Variants in SLC15A2 observed in about 807,000 individuals in gnomAD.
SLC15A2 encodes kidney H(+)/peptide cotransporter.
In SLC15A2, 77 loss-of-function variants were observed where a neutral mutation model predicts 95.5. That is an observed-to-expected ratio of 0.81 (90% confidence interval 0.67 to 0.97). SLC15A2 has a LOEUF of 0.97. Among genes scored for constraint, SLC15A2 ranks in the 50% least tolerant of loss-of-function variants. SLC15A2 has a pLI of 0.00. For synonymous variants in SLC15A2, 306 were observed against 306.9 expected (o/e 1.00, Z 0.03); for missense variants, 893 against 874.4 (o/e 1.02, Z -0.27).
chr3:121,939,954 C>T (rs947143641), intron 20 of SLC15A2, among the ~76,000 whole-genome samples: 2 of 151,984 alleles, frequency 1.3e-5, no homozygotes, highest in African/African-American at 4.8e-5. Context: ...TATAGGCGCA[C>T]ACCACCATTC....
intron 3 of SLC15A2, among the ~76,000 whole-genome samples, chr3:121,899,664 T>C (rs2107567955): frequency 6.6e-6 from 1 of 152,308 alleles, no homozygotes; most frequent in East Asian, 1.9e-4. Flanking sequence ...CCCAATTTAA[T>C]TCAATAAATG....
chr3:121,909,992 T>TC (rs36045594), intron 3 of SLC15A2, among the ~76,000 whole-genome samples: 67,699 of 151,706 alleles, frequency 0.45, 15,611 homozygotes, highest in East Asian at 0.69. Flanking sequence ...CTCCTTTTTT[T>TC]TTCCTCTATG....
chr3:121,905,482 A>G (rs1347290641), intron 3 of SLC15A2, among the ~76,000 whole-genome samples: 1 of 152,192 alleles, frequency 6.6e-6, no homozygotes, highest in South Asian at 2.1e-4. Context: ...TCTCGTGGGC[A>G]TTTAGTGCTA....
In SLC15A2 at chr3:121,941,571, A is replaced by G. The variant is rs1024162050; in HGVS notation, c.*564A>G. On this transcript the variant is annotated 3_prime_UTR_variant, in exon 22 of 22. Transcript: ENST00000489711. ...TAGTAAATTTGTCAATATAGATGGT[A>G]GGAAGCAGAATGCCATTTTATTAAA... 1 of 152,258 alleles carries G rather than the reference A, an allele frequency of 6.6e-6. No individual in the cohort carries two copies. The allele number at this position is 152,258 out of a possible 1,614,324, so 9.4% of individuals were successfully genotyped here.
intron 17 of SLC15A2, among the ~76,000 whole-genome samples, chr3:121,930,568 T>C (rs899352482): frequency 6.6e-6 from 1 of 152,208 alleles, no homozygotes; most frequent in African/African-American, 2.4e-5. Context: ...ATGATCATGA[T>C]AGTGTCCGTC....
chr3:121,895,132 A>G (rs1709393767), intron 1 of SLC15A2, among the ~76,000 whole-genome samples: 1 of 152,228 alleles, frequency 6.6e-6, no homozygotes, highest in South Asian at 2.1e-4. Flanking sequence ...TTCTTACACT[A>G]AAATTCTGTA....
chr3:121,930,107 G>A (rs1396374240), intron 17 of SLC15A2, among the ~76,000 whole-genome samples: 1 of 152,154 alleles, frequency 6.6e-6, no homozygotes, highest in African/African-American at 2.4e-5. Flanking sequence ...CCCCAGAAGG[G>A]GCATTTTCTA....
At chr3:121,925,724 G>C (rs1456954094) in intron 13 of SLC15A2, among the ~76,000 whole-genome samples, 2 of 66,714 alleles carry the variant, frequency 3.0e-5, no homozygotes, top group African/African-American at 6.0e-5. Flanking sequence ...AAAGGGGCTA[G>C]ACTATATATA....
rs1710474498 is a variant in SLC15A2 at position 121,942,150 on chromosome 3, G to A, written c.*1143G>A. 6.6e-6 allele frequency: 1 copy of A among 152,200 alleles called. No individual in the cohort carries two copies. Among genetic ancestry groups the A allele is most frequent in the Admixed American group, 6.5e-5 (1 of 15,278 alleles). 9.4% of individuals were successfully genotyped at this position (152,200 alleles called of 1,614,324 possible). ...AGGTTTGAGGTTCTAAAATGGAAAT[G>A]TCAATAGAGGAGCATGGTCCTATGT... On this transcript the variant is annotated 3_prime_UTR_variant, in exon 22 of 22. Transcript: ENST00000489711.
chr3:121,913,146 T>G (rs34443342), intron 5 of SLC15A2, 26 bp downstream of exon 5: 43,767 of 1,570,246 alleles, frequency 0.028, 1,420 homozygotes, highest in Admixed American at 0.14. Context: ...TTTTGTATTT[T>G]CAAGAATATA....
At chr3:121,940,681 G>A (rs1710443847) in intron 21 of SLC15A2, 150 bp from the exon 22 acceptor site, 3 of 876,388 alleles carry the variant, frequency 3.4e-6, no homozygotes, top group Non-Finnish European at 5.2e-6. Context: ...ATACCTATGT[G>A]AGGAGAGGCC....
At chr3:121,899,690 C>T (rs1163387206) in intron 3 of SLC15A2, among the ~76,000 whole-genome samples, 1 of 152,142 alleles carries the variant, frequency 6.6e-6, no homozygotes, top group Non-Finnish European at 1.5e-5. Context: ...TGAGCACCTT[C>T]TGTTTGTCCA....
chr3:121,939,817 C>T lies in SLC15A2; in HGVS notation c.1908+322C>T, dbSNP rs545091662. ...TAAATTACTATCTCTGTAATGCTGT[C>T]GCCCAGGCTGGAGTGCAGTGGCGCG... On this transcript the variant is annotated intron_variant, in intron 20 of 21. Transcript: ENST00000489711. Among the ~76,000 whole-genome samples, 73 of 152,114 alleles carry T rather than the reference C, an allele frequency of 4.8e-4. No individual in the cohort carries two copies. The South Asian group carries it at 0.012, about 24-fold the overall frequency.
chr3:121,926,794 A>G (rs978314489), intron 13 of SLC15A2, among the ~76,000 whole-genome samples: 1 of 152,202 alleles, frequency 6.6e-6, no homozygotes, highest in African/African-American at 2.4e-5. Context: ...GCACTCAACA[A>G]CCTGTGAGAG....
In SLC15A2 at chr3:121,915,597, C is replaced by A; in HGVS notation, c.620-19C>A. ...CAAGACTCAGAGTTACTTTCCTCCT[C>A]CCATCCCATTTTCTTTAGGAGATGT... On this transcript the variant is annotated intron_variant, in intron 6 of 21. Transcript: ENST00000489711. The A allele has an allele frequency of 6.3e-7, 1 of 1,593,568 alleles. No individual in the cohort carries two copies. Among genetic ancestry groups the A allele is most frequent in the Non-Finnish European group, 8.6e-7 (1 of 1,161,366 alleles).
Position 121,944,001 on chromosome 3 carries a change from C to T in SLC15A2, c.*2994C>T, listed in dbSNP as rs1710506432. On this transcript the variant is annotated 3_prime_UTR_variant, in exon 22 of 22. Transcript: ENST00000489711. ...GAAAATGTCTATATCTGTTATGTAT[C>T]AATTTTTTAAAAAGTGAATGACATA... 6.6e-6 allele frequency: 1 copy of T among 152,004 alleles called. No individual in the cohort carries two copies. The highest frequency in any genetic ancestry group is 2.4e-5 in the African/African-American group (1 of 41,390). The allele number at this position is 152,004 out of a possible 1,614,324, so 9.4% of individuals were successfully genotyped here. A position where few individuals can be genotyped will look rare whatever the true frequency, so the allele number is the denominator to read the frequency against.
At chr3:121,902,467 G>T (rs948199020) in intron 3 of SLC15A2, among the ~76,000 whole-genome samples, 2 of 151,954 alleles carry the variant, frequency 1.3e-5, no homozygotes, top group Non-Finnish European at 2.9e-5. Flanking sequence ...CCATGAACTC[G>T]CCATTTACAT....
chr3:121,911,425 T>C (rs1709764302), intron 3 of SLC15A2, 149 bp from the exon 4 acceptor site: 9 of 610,352 alleles, frequency 1.5e-5, no homozygotes, highest in Non-Finnish European at 2.7e-5. Context: ...CATTATTGTC[T>C]CTATTTGGAT....
At position 121,940,544 on chromosome 3, in the gene SLC15A2, C is replaced by T. The variant is rs1319978424; in HGVS notation, c.2013+56C>T. 3.6e-6 allele frequency: 5 copies of T among 1,385,008 alleles called. No homozygotes were observed. In the African/African-American group the frequency reaches 4.3e-5, roughly 12 times the overall value. The allele number at this position is 1,385,008 out of a possible 1,614,324, so 85.8% of individuals were successfully genotyped here. A position where few individuals can be genotyped will look rare whatever the true frequency, so the allele number is the denominator to read the frequency against. On this transcript the variant is annotated intron_variant, in intron 21 of 21. Transcript: ENST00000489711. ...CTACTCAAGTTTTTCCTCCAGCTTT[C>T]TCTTCTCCCTTTCCCCCATCTCTCT...
Sources: allele counts gnomAD v4.1 joint callset (sites outside exome capture counted in the v4.1 genomes callset), GRCh38; gene constraint gnomAD v4.1.1; transcripts MANE v1.5; gene names NCBI Gene and HGNC (gene_info 2026-07-23, HGNC 2026-07-21).